The following PTGR2 variants were observed in gnomAD, a reference collection of about 807,000 sequenced individuals.
PTGR2 encodes 15-oxoprostaglandin 13-reductase.
In PTGR2, 32 loss-of-function variants were observed where a neutral mutation model predicts 43.4. The ratio of observed to expected loss-of-function variants is 0.74; its 90% confidence interval spans 0.56 to 0.99. PTGR2 has a LOEUF of 0.99. Ranked by LOEUF, PTGR2 falls within the 50% of genes least tolerant of loss-of-function variation. PTGR2 has a pLI of 0.00. For missense variants in PTGR2, 373 were observed against 420.0 expected (o/e 0.89, Z 0.98); for synonymous variants, 106 against 139.2 (o/e 0.76, Z 1.68).
At chr14:73,865,081 T>C (rs557859941) in intron 3 of PTGR2, among the ~76,000 whole-genome samples, 12 of 151,978 alleles carry the variant, frequency 7.9e-5, no homozygotes, top group Non-Finnish European at 1.3e-4. Flanking sequence ...CACACATATA[T>C]ATGAGAGGGG....
intron 7 of PTGR2, 138 bp from the exon 8 acceptor site, chr14:73,881,067 A>G (rs531486115): frequency 3.2e-4 from 173 of 547,288 alleles, no homozygotes; most frequent in Admixed American, 8.0e-4. Context: ...ACTATGCATA[A>G]AACTATCTGA....
chr14:73,852,914 C>T (rs897988991), intron 1 of PTGR2, among the ~76,000 whole-genome samples: 4 of 152,156 alleles, frequency 2.6e-5, no homozygotes, highest in African/African-American at 4.8e-5. Flanking sequence ...CAGCCTCAGT[C>T]TCCTGGGTTC....
chr14:73,880,501 G>A lies in PTGR2; in HGVS notation c.851+325G>A, dbSNP rs562063477. On this transcript the variant is annotated intron_variant, in intron 7 of 9. Transcript: ENST00000555661. ...GAGGCAGGAGAATCACTTGAACCTGGGAGGTGGAGGTTGCAGTGAGCCAAA... is the reference window on the plus strand; with the variant it reads ...GAGGCAGGAGAATCACTTGAACCTGAGAGGTGGAGGTTGCAGTGAGCCAAA... Among the ~76,000 whole-genome samples the A allele has an allele frequency of 4.7e-4, 72 of 151,698 alleles. 1 individual carries two copies. Among genetic ancestry groups the A allele is most frequent in the Middle Eastern group, 3.4e-3 (1 of 294 alleles).
rs956193324 is a variant in PTGR2 at position 73,854,504 on chromosome 14, T to G, written c.-48+2561T>G. ...TATTTGACACTTGAAAAGTTTCTAATTTAATGCAGAGTGAGAGAACTTTAA... is the reference window on the plus strand; with the variant it reads ...TATTTGACACTTGAAAAGTTTCTAAGTTAATGCAGAGTGAGAGAACTTTAA... On this transcript the variant is annotated intron_variant, in intron 1 of 9. Coordinates refer to ENST00000555661, the MANE Select transcript of PTGR2 (RefSeq NM_001146154.2). 1.3e-5 allele frequency among the ~76,000 whole-genome samples: 2 copies of G among 152,242 alleles called. 1 individual carries two copies. The highest frequency in any genetic ancestry group is 4.8e-5 in the African/African-American group (2 of 41,472).
At chr14:73,880,232 G>A in intron 7 of PTGR2, 56 bp downstream of exon 7, 2 of 1,585,366 alleles carry the variant, frequency 1.3e-6, no homozygotes, top group Non-Finnish European at 1.7e-6. Flanking sequence ...AAATATCATA[G>A]ATGTGTATGA....
At position 73,880,142 on chromosome 14, in the gene PTGR2, A is replaced by T. The variant is rs148654530; in HGVS notation, c.817A>T (p.Ile273Leu). ...VPYPPPLSPA[I>L]EAIQKERNIT... ...TTATCCTCCCCCGCTATCCCCTGCT[A>T]TAGAGGCAATCCAGAAAGAAAGAAA... Residue 273 changes from isoleucine to leucine, a missense_variant, in exon 7 of 10, where the codon ATA becomes TTA. Physicochemically the swap from Ile to Leu is conservative, Grantham distance 5 (BLOSUM62 2). Coordinates refer to ENST00000555661, the MANE Select transcript of PTGR2 (RefSeq NM_001146154.2). 69 of 1,613,892 alleles carry T rather than the reference A, an allele frequency of 4.3e-5. No homozygotes were observed. Among genetic ancestry groups the T allele is most frequent in the South Asian group, 2.1e-4 (19 of 91,088 alleles).
intron 7 of PTGR2, 162 bp downstream of exon 7, chr14:73,880,338 CGA>C: frequency 1.3e-6 from 1 of 748,392 alleles, no homozygotes; most frequent in South Asian, 1.5e-5. Flanking sequence ...TTTGGGATGC[CGA>C]GACGGGTGGA....
intron 3 of PTGR2, 40 bp from the exon 4 acceptor site, chr14:73,873,983 C>T: frequency 1.3e-6 from 2 of 1,484,132 alleles, no homozygotes; most frequent in Non-Finnish European, 1.8e-6. Flanking sequence ...AGTGGTTTGA[C>T]ATTATTGGAT....
intron 1 of PTGR2, among the ~76,000 whole-genome samples, chr14:73,856,810 A>G (rs958589074): frequency 6.6e-6 from 1 of 152,248 alleles, no homozygotes; most frequent in African/African-American, 2.4e-5. Flanking sequence ...GTATCCCAGT[A>G]GTCAAGCTGT....
chr14:73,857,680 T>TTTTTTTTTTG, intron 1 of PTGR2, among the ~76,000 whole-genome samples: 1 of 133,376 alleles, frequency 7.5e-6, no homozygotes, highest in African/African-American at 2.8e-5. Flanking sequence ...TTTTTTTTTT[T>TTTTTTTTTTG]TTTTTTGAGA....
At chr14:73,869,269 C>T (rs1331876543) in intron 3 of PTGR2, among the ~76,000 whole-genome samples, 2 of 152,106 alleles carry the variant, frequency 1.3e-5, no homozygotes, top group Non-Finnish European at 2.9e-5. Context: ...TGCCATGGCT[C>T]ATACTTATAA....
At chr14:73,878,975 C>T (rs930994822) in intron 5 of PTGR2, 121 bp from the exon 6 acceptor site, 42 of 750,636 alleles carry the variant, frequency 5.6e-5, no homozygotes, top group East Asian at 1.1e-4. Flanking sequence ...TTAAAAGCAG[C>T]GTAATCTAAC....
intron 3 of PTGR2, among the ~76,000 whole-genome samples, chr14:73,867,366 C>T (rs2054627338): frequency 6.6e-6 from 1 of 152,052 alleles, no homozygotes; most frequent in South Asian, 2.1e-4. Context: ...TAATAAATCT[C>T]TTCATAGATA....
chr14:73,882,799 CCTTTTTTTTTTTTTT>C (rs2055023040), intron 9 of PTGR2, among the ~76,000 whole-genome samples: 2 of 104,178 alleles, frequency 1.9e-5, no homozygotes, highest in African/African-American at 7.2e-5. Flanking sequence ...CACGCCTGGC[CCTTTTTTTTTTTTTT>C]TTTTTTTTTT....
At chr14:73,875,820 C>CTTTTTTTT (rs953891690) in intron 4 of PTGR2, among the ~76,000 whole-genome samples, 54 of 94,376 alleles carry the variant, frequency 5.7e-4, no homozygotes, top group Non-Finnish European at 9.3e-4. Flanking sequence ...TTAAAAGTTT[C>CTTTTTTTT]TTTTTTTTTT....
chr14:73,882,643 G>T (rs2032285959), intron 9 of PTGR2, among the ~76,000 whole-genome samples: 1 of 151,894 alleles, frequency 6.6e-6, no homozygotes, highest in Non-Finnish European at 1.5e-5. Context: ...TGGGACTACA[G>T]GCGCCTGCCA....
At position 73,885,546 on chromosome 14, in the gene PTGR2, G is replaced by C. The variant is rs1305566759; in HGVS notation, c.*1369G>C. The C allele has an allele frequency of 3.3e-5, 5 of 152,160 alleles. No homozygotes were observed. The highest frequency in any genetic ancestry group is 4.4e-5 in the Non-Finnish European group (3 of 68,028). 9.4% of individuals were successfully genotyped at this position (152,160 alleles called of 1,614,324 possible). On this transcript the variant is annotated 3_prime_UTR_variant, in exon 10 of 10. Coordinates refer to ENST00000555661, the MANE Select transcript of PTGR2 (RefSeq NM_001146154.2). ...GTAATAAGTAGATTCAAACTGTGTT[G>C]GTAATCAGCCTCCCCAGTTTTCGTG...
At chr14:73,872,182 G>C (rs1231694469) in intron 3 of PTGR2, among the ~76,000 whole-genome samples, 1 of 152,136 alleles carries the variant, frequency 6.6e-6, no homozygotes, top group African/African-American at 2.4e-5. Flanking sequence ...TCTTGAGATG[G>C]GGTGCAGTCC....
intron 1 of PTGR2, chr14:73,852,250 G>C (rs1449370356): frequency 2.6e-5 from 4 of 152,232 alleles, no homozygotes; most frequent in Non-Finnish European, 4.4e-5. Context: ...GGGCATAGGG[G>C]ATTGGACTCA....
Sources: allele counts gnomAD v4.1 joint callset (sites outside exome capture counted in the v4.1 genomes callset), GRCh38; gene constraint gnomAD v4.1.1; transcripts MANE v1.5; gene names NCBI Gene and HGNC (gene_info 2026-07-23, HGNC 2026-07-21).